The following SHISA6 variants were observed in gnomAD, a reference collection of about 807,000 sequenced individuals.
SHISA6 encodes the protein protein shisa-6.
Under a neutral mutation model 47.9 loss-of-function variants are expected in SHISA6, and 22 were observed. That is an observed-to-expected ratio of 0.46 (90% CI 0.33 to 0.66). SHISA6 has a LOEUF of 0.66. SHISA6 is among the 30% of genes least tolerant of loss of function. The probability of loss-of-function intolerance (pLI) is 0.02; values close to 1 mark genes in which losing one functional copy is unlikely to be tolerated. For missense variants in SHISA6, 680 were observed against 764.6 expected, an observed-to-expected ratio of 0.89 and a Z score of 1.30; for synonymous variants, 388 against 337.8, an observed-to-expected ratio of 1.15 and a Z score of -1.63.
At chr17:11,395,885 T>G (rs1198100898) in intron 3 of SHISA6, among the ~76,000 whole-genome samples, 3 of 152,180 alleles carry the variant, frequency 2.0e-5, no homozygotes, top group Non-Finnish European at 2.9e-5. Flanking sequence ...ACTAGTAAAA[T>G]GTTGAATAGT....
chr17:11,555,561 CT>C (rs1323077888), intron 4 of SHISA6, among the ~76,000 whole-genome samples, 178 bp from the exon 5 acceptor site: 2 of 151,896 alleles, frequency 1.3e-5, no homozygotes, highest in African/African-American at 4.8e-5. Context: ...GCATCTGCCC[CT>C]AGGCTTATTG....
chr17:11,341,491 T>C (rs1278909338), intron 2 of SHISA6, among the ~76,000 whole-genome samples: 1 of 152,006 alleles, frequency 6.6e-6, no homozygotes, highest in Non-Finnish European at 1.5e-5. Flanking sequence ...TGCACTACCA[T>C]GCCTGGCTAA....
chr17:11,523,265 G>A (rs1597567348), intron 3 of SHISA6, among the ~76,000 whole-genome samples: 1 of 152,206 alleles, frequency 6.6e-6, no homozygotes, highest in Non-Finnish European at 1.5e-5. Context: ...CGTTGGCTCC[G>A]ATCGGATTTG....
intron 3 of SHISA6, among the ~76,000 whole-genome samples, chr17:11,535,884 AAT>A (rs992740742): frequency 4.0e-4 from 26 of 65,814 alleles, no homozygotes; most frequent in Non-Finnish European, 6.3e-4. Flanking sequence ...ATGGGAAAAC[AAT>A]GTGTGTGTGT....
intron 2 of SHISA6, among the ~76,000 whole-genome samples, chr17:11,302,555 G>T (rs1909967143): frequency 6.6e-6 from 1 of 152,220 alleles, no homozygotes; most frequent in South Asian, 2.1e-4. Flanking sequence ...AAACAGGCAA[G>T]CATTTCCTTG....
At chr17:11,548,320 C>T (rs938949710) in intron 3 of SHISA6, among the ~76,000 whole-genome samples, 3 of 152,104 alleles carry the variant, frequency 2.0e-5, no homozygotes, top group African/African-American at 4.8e-5. Context: ...TCATGCTATA[C>T]TGTTTCAAAG....
chr17:11,480,995 G>T (rs1916197731), intron 3 of SHISA6, among the ~76,000 whole-genome samples: 1 of 152,140 alleles, frequency 6.6e-6, no homozygotes, highest in Admixed American at 6.5e-5. Context: ...AAGATATTTA[G>T]AGGCCAGGTG....
At position 11,370,835 on chromosome 17, in the gene SHISA6, C is replaced by T. The variant is rs1360312341; in HGVS notation, c.800-8579C>T. Among the ~76,000 whole-genome samples the T allele has an allele frequency of 2.7e-4, 41 of 152,148 alleles. 1 individual carries two copies. The highest frequency in any genetic ancestry group is 2.4e-3 in the Admixed American group (37 of 15,270). ...CGGGTAAGGTGGTCCCTGAATGGTT[C>T]TGACAAGCTGGGATGGTTTATCCTG... On this transcript the variant is annotated intron_variant, in intron 2 of 5. Transcript: ENST00000441885.
intron 1 of SHISA6, among the ~76,000 whole-genome samples, chr17:11,254,908 G>A (rs979913426): frequency 1.3e-5 from 2 of 152,194 alleles, no homozygotes; most frequent in Non-Finnish European, 2.9e-5. Context: ...CAGAAATGGG[G>A]TTATAATTCT....
intron 3 of SHISA6, among the ~76,000 whole-genome samples, chr17:11,463,571 G>T (rs1218835600): frequency 1.3e-5 from 2 of 152,092 alleles, no homozygotes; most frequent in African/African-American, 4.8e-5. Flanking sequence ...TTACATATCT[G>T]TAGGTCTGTA....
At chr17:11,539,034 A>G (rs1984452) in intron 3 of SHISA6, among the ~76,000 whole-genome samples, 81,269 of 152,094 alleles carry the variant, frequency 0.53, 22,893 homozygotes, top group African/African-American at 0.72. Flanking sequence ...TCCACCTCCT[A>G]GGTTCAAACA....
At position 11,558,660 on chromosome 17, in the gene SHISA6, A is replaced by G. The variant is rs2072008638; in HGVS notation, c.*356A>G. ...GGACTCAGCTGCAGGTTCTGTCAGC[A>G]GAGAGACCCTTGCTTGACTGTGGTC... is the stretch of plus-strand genomic sequence containing the variant. On this transcript the variant is annotated 3_prime_UTR_variant, in exon 6 of 6. Transcript: ENST00000441885. 5.8e-6 allele frequency: 2 copies of G among 342,814 alleles called. No homozygotes were observed. The highest frequency in any genetic ancestry group is 1.1e-5 in the Non-Finnish European group (2 of 183,138). 21.2% of individuals were successfully genotyped at this position (342,814 alleles called of 1,614,324 possible).
chr17:11,531,975 A>G (rs2071737738), intron 3 of SHISA6, among the ~76,000 whole-genome samples: 1 of 152,246 alleles, frequency 6.6e-6, no homozygotes, highest in South Asian at 2.1e-4. Context: ...TATTTGTCAA[A>G]TACAAATAAA....
intron 3 of SHISA6, among the ~76,000 whole-genome samples, chr17:11,504,057 G>C (rs2071477489): frequency 1.3e-5 from 2 of 152,198 alleles, no homozygotes; most frequent in African/African-American, 4.8e-5. Flanking sequence ...GGATGCATGA[G>C]TTATTACCAA....
chr17:11,307,507 T>C (rs182880410), intron 2 of SHISA6, among the ~76,000 whole-genome samples: 3 of 152,332 alleles, frequency 2.0e-5, no homozygotes, highest in Non-Finnish European at 4.4e-5. Context: ...AGCCCAGACG[T>C]GGCTCACAGT....
intron 3 of SHISA6, among the ~76,000 whole-genome samples, chr17:11,443,991 G>A (rs936559994): frequency 1.3e-5 from 2 of 152,136 alleles, no homozygotes; most frequent in Admixed American, 1.3e-4. Context: ...TAAAGTCAGA[G>A]AAATAAAAGA....
intron 2 of SHISA6, among the ~76,000 whole-genome samples, chr17:11,308,043 T>C (rs182896587): frequency 1.3e-5 from 2 of 152,270 alleles, no homozygotes; most frequent in Admixed American, 1.3e-4. Flanking sequence ...ATGGTCTGAC[T>C]TTGGTGGGGT....
chr17:11,269,052 T>G (rs950592456), intron 2 of SHISA6, among the ~76,000 whole-genome samples: 2 of 151,064 alleles, frequency 1.3e-5, no homozygotes, highest in South Asian at 2.1e-4. Context: ...CTGTTTTGTT[T>G]TTTTTTTTTA....
At position 11,560,109 on chromosome 17, in the gene SHISA6, T is replaced by C. The variant is rs2072027656; in HGVS notation, c.*1805T>C. The C allele has an allele frequency of 6.6e-6, 1 of 152,214 alleles. No homozygotes were observed. Among genetic ancestry groups the C allele is most frequent in the Admixed American group, 6.5e-5 (1 of 15,276 alleles). 9.4% of individuals were successfully genotyped at this position (152,214 alleles called of 1,614,324 possible). On this transcript the variant is annotated 3_prime_UTR_variant, in exon 6 of 6. Coordinates refer to ENST00000441885, the MANE Select transcript of SHISA6 (RefSeq NM_207386.4). Reference sequence around the variant, plus strand: ...TGGTGTCAGCCCTGGAGATTTTTAATCTAACCAAGTCCACAAACCACAGAG... The same window carrying C: ...TGGTGTCAGCCCTGGAGATTTTTAACCTAACCAAGTCCACAAACCACAGAG...
Sources: gnomAD v4.1 joint callset for allele counts (sites outside exome capture counted in the v4.1 genomes callset) on GRCh38, gnomAD v4.1.1 for gene constraint, MANE v1.5 for transcripts, NCBI Gene and HGNC (gene_info 2026-07-23, HGNC 2026-07-21) for gene names.